The following PRKCA variants were observed in gnomAD, a reference collection of about 807,000 sequenced individuals.
PRKCA encodes the protein protein kinase C alpha type.
In PRKCA, 27 loss-of-function variants were observed where a neutral mutation model predicts 87.0. The observed-to-expected ratio is 0.31, with a 90% CI of 0.23 to 0.43. The LOEUF (loss-of-function observed/expected upper bound fraction) is 0.43. Ranked by LOEUF, PRKCA falls within the 20% of genes least tolerant of loss-of-function variation. The probability of loss-of-function intolerance (pLI) is 1.00; values close to 1 mark genes in which losing one functional copy is unlikely to be tolerated. For missense variants in PRKCA, 518 were observed against 852.3 expected, an observed-to-expected ratio of 0.61 and a Z score of 4.88; for synonymous variants, 329 against 311.1, an observed-to-expected ratio of 1.06 and a Z score of -0.61.
rs200394546 is a variant in PRKCA at position 66,566,491 on chromosome 17, T to TG, written c.288+70208_288+70209insG. ...GTTGTTGTTTTTTGGTTTTTTTTTT[T>TG]TTTTTTTTTTTGCAACAGCTTTCCC... On this transcript the variant is annotated intron_variant, in intron 3 of 16. Coordinates refer to ENST00000413366, the MANE Select transcript of PRKCA (RefSeq NM_002737.3). 5.9e-3 allele frequency among the ~76,000 whole-genome samples: 888 copies of TG among 149,446 alleles called. 31 individuals are homozygous for TG. Among genetic ancestry groups the TG allele is most frequent in the African/African-American group, 0.019 (776 of 40,768 alleles).
chr17:66,718,433 C>T (rs1229479260), intron 8 of PRKCA, among the ~76,000 whole-genome samples: 1 of 152,202 alleles, frequency 6.6e-6, no homozygotes, highest in Non-Finnish European at 1.5e-5. Context: ...CTGCTTCAGC[C>T]TCCCGAGTAG....
At chr17:66,552,678 T>C (rs1018568016) in intron 3 of PRKCA, among the ~76,000 whole-genome samples, 17 of 152,210 alleles carry the variant, frequency 1.1e-4, no homozygotes, top group Non-Finnish European at 1.5e-4. Flanking sequence ...AAGATCGCAG[T>C]CATGGTCTTT....
rs1479349228 is a variant in PRKCA at position 66,765,448 on chromosome 17, A to ATATATATATG, written c.1525-8532_1525-8531insATGTATATAT. Among the ~76,000 whole-genome samples, 4 of 138,394 alleles carry ATATATATATG rather than the reference A, an allele frequency of 2.9e-5. 1 individual carries two copies. In the East Asian group the frequency reaches 8.2e-4, roughly 28 times the overall value. The allele number at this position is 138,394 out of a possible 152,430, so 90.8% of individuals were successfully genotyped here. ...TATATATATATATATATATATATAT[A>ATATATATATG]TATATATCCATATATATACATATTT... On this transcript the variant is annotated intron_variant, in intron 13 of 16. Coordinates refer to ENST00000413366, the MANE Select transcript of PRKCA (RefSeq NM_002737.3).
chr17:66,641,596 C>T (rs368695258), intron 4 of PRKCA, 130 bp downstream of exon 4: 58 of 510,378 alleles, frequency 1.1e-4, no homozygotes, highest in Middle Eastern at 8.5e-4. Context: ...AGATATCTAC[C>T]AGACTGACAA....
intron 13 of PRKCA, among the ~76,000 whole-genome samples, chr17:66,751,729 G>GCCAC (rs1179647500): frequency 1.3e-5 from 2 of 152,136 alleles, no homozygotes; most frequent in African/African-American, 4.8e-5. Flanking sequence ...CTATGCCCCT[G>GCCAC]CCACCCTCAG....
rs1486055839 is a variant in PRKCA, at chr17:66,342,480, TAATA to T, written c.205+36357_205+36360del. Among the ~76,000 whole-genome samples, 3 of 123,536 alleles carry T rather than the reference TAATA, an allele frequency of 2.4e-5. 1 individual carries two copies. Among genetic ancestry groups the T allele is most frequent in the East Asian group, 4.2e-4 (2 of 4,804 alleles). 81.0% of individuals were successfully genotyped at this position (123,536 alleles called of 152,430 possible). On this transcript the variant is annotated intron_variant, in intron 2 of 16. Coordinates refer to ENST00000413366, the MANE Select transcript of PRKCA (RefSeq NM_002737.3). Reference sequence around the variant, plus strand: ...ATAATAATAATAATAATAATAATAATAATAAATTCAGAGATGGAGAAAACTTTGG... The same window carrying T: ...ATAATAATAATAATAATAATAATAATAATTCAGAGATGGAGAAAACTTTGG...
chr17:66,427,516 T>G (rs1826506343), intron 2 of PRKCA, among the ~76,000 whole-genome samples: 1 of 152,192 alleles, frequency 6.6e-6, no homozygotes, highest in Admixed American at 6.5e-5. Flanking sequence ...GTCTAAGCCA[T>G]TTTGAGTTAG....
intron 3 of PRKCA, among the ~76,000 whole-genome samples, chr17:66,548,692 T>C (rs748082639): frequency 6.6e-6 from 1 of 152,126 alleles, no homozygotes; most frequent in Non-Finnish European, 1.5e-5. Context: ...CTAAATGCCA[T>C]CTCATGGACT....
At chr17:66,613,065 C>T (rs1364918270) in intron 3 of PRKCA, among the ~76,000 whole-genome samples, 2 of 152,114 alleles carry the variant, frequency 1.3e-5, no homozygotes, top group South Asian at 2.1e-4. Flanking sequence ...CTTATATTTC[C>T]AGGATAAAAT....
chr17:66,603,330 T>C (rs1012713584), intron 3 of PRKCA, among the ~76,000 whole-genome samples: 1 of 152,184 alleles, frequency 6.6e-6, no homozygotes, highest in Non-Finnish European at 1.5e-5. Context: ...AGATGCTTCA[T>C]GTGAATTGTT....
intron 3 of PRKCA, among the ~76,000 whole-genome samples, chr17:66,548,945 C>G (rs149321718): frequency 5.9e-5 from 9 of 151,828 alleles, no homozygotes. Flanking sequence ...GTAGCTGGGA[C>G]CACAAGTGCA....
At chr17:66,531,935 G>A (rs1458659019) in intron 3 of PRKCA, among the ~76,000 whole-genome samples, 5 of 152,254 alleles carry the variant, frequency 3.3e-5, no homozygotes, top group Admixed American at 6.5e-5. Context: ...GATTTTCCCA[G>A]AGAGGAGCTG....
chr17:66,778,232 G>A (rs1975108274), intron 14 of PRKCA: 1 of 983,548 alleles, frequency 1.0e-6, no homozygotes, highest in African/African-American at 1.7e-5. Context: ...AAACGGTGAT[G>A]GCTGGGCCCG....
chr17:66,562,092 TATATATAATTAAATTA>T (rs1482953536), intron 3 of PRKCA, among the ~76,000 whole-genome samples: 2 of 112,722 alleles, frequency 1.8e-5, no homozygotes, highest in Non-Finnish European at 3.7e-5. Context: ...TATAATTAAA[TATATATAATTAAATTA>T]TATATATAAT....
chr17:66,374,719 C>CTTTTTTTTTTTTTTTTTTTTTTTTTTT (rs35431248), intron 2 of PRKCA, among the ~76,000 whole-genome samples: 1 of 115,826 alleles, frequency 8.6e-6, no homozygotes, highest in Non-Finnish European at 1.7e-5. Flanking sequence ...GAGTTGCATT[C>CTTTTTTTTTTTTTTTTTTTTTTTTTTT]TTTTTTTTTT....
At chr17:66,437,628 A>C (rs2143856359) in intron 2 of PRKCA, among the ~76,000 whole-genome samples, 1 of 151,862 alleles carries the variant, frequency 6.6e-6, no homozygotes, top group East Asian at 1.9e-4. Context: ...CAGTCCCCCG[A>C]GCAGACACAA....
intron 3 of PRKCA, among the ~76,000 whole-genome samples, chr17:66,542,788 A>C (rs1968026540): frequency 6.6e-6 from 1 of 152,174 alleles, no homozygotes; most frequent in African/African-American, 2.4e-5. Context: ...AGTACAGATT[A>C]ATGCTTTTTT....
chr17:66,532,377 T>G (rs1439490780), intron 3 of PRKCA, among the ~76,000 whole-genome samples: 1 of 146,308 alleles, frequency 6.8e-6, no homozygotes, highest in African/African-American at 2.5e-5. Context: ...TTTTTTTATT[T>G]TTTTTTGAGA....
intron 2 of PRKCA, among the ~76,000 whole-genome samples, chr17:66,465,911 T>C (rs1381837397): frequency 6.6e-6 from 1 of 152,202 alleles, no homozygotes; most frequent in Non-Finnish European, 1.5e-5. Flanking sequence ...GATTTGACTT[T>C]TTTTTTTAAA....
Sources: gnomAD v4.1 joint callset for allele counts (sites outside exome capture counted in the v4.1 genomes callset) on GRCh38, gnomAD v4.1.1 for gene constraint, MANE v1.5 for transcripts, NCBI Gene and HGNC (gene_info 2026-07-23, HGNC 2026-07-21) for gene names.